The following SLC22A11 variants were observed in gnomAD, a reference collection of about 807,000 sequenced individuals.
SLC22A11 encodes organic anion transporter 4.
SLC22A11 carries 42 observed loss-of-function variants against 49.4 expected under a neutral mutation model. The observed-to-expected ratio is 0.85, with a 90% CI of 0.66 to 1.10. The LOEUF (loss-of-function observed/expected upper bound fraction) is 1.10, where lower values mean the gene tolerates loss of function less well. SLC22A11 is among the 50% of genes least tolerant of loss of function. The pLI, the probability that SLC22A11 is intolerant of heterozygous loss-of-function variation, is 0.00. For synonymous variants in SLC22A11, 304 were observed against 315.8 expected (o/e 0.96, Z 0.40); for missense variants, 685 against 731.6 (o/e 0.94, Z 0.74).
In SLC22A11 at chr11:64,569,764, G is replaced by A. The variant is rs770866086; in HGVS notation, c.1495G>A (p.Val499Ile). ...LPLLPPLLYGVISIASSLVVL... is the reference protein window; with the variant it reads ...LPLLPPLLYGIISIASSLVVL... ...CCTGCTGCCTCCTCTCCTCTATGGC[G>A]TTATCTCCATTGCTTCCAGCCTGGT... Residue 499 changes from valine (V) to isoleucine (I), a missense_variant, in exon 9 of 10, where the codon GTT (valine) becomes ATT (isoleucine). By Grantham distance (29) the Val-to-Ile change is conservative (BLOSUM62 3). Coordinates refer to ENST00000301891, the MANE Select transcript of SLC22A11 (RefSeq NM_018484.4). 73 of 1,614,006 alleles carry A rather than the reference G, an allele frequency of 4.5e-5. No homozygotes were observed. The highest frequency in any genetic ancestry group is 5.7e-5 in the Non-Finnish European group (67 of 1,180,032).
Position 64,565,359 on chromosome 11 carries a change from C to A in SLC22A11, c.1058+22C>A. On this transcript the variant is annotated intron_variant, in intron 6 of 9. Transcript: ENST00000301891. This position sits in a 1 kb window ranked among gnomAD's most constrained non-coding sequence, Gnocchi z 4.1. ...TGAAGTACGCCGTCCTGGTGTCCCTCCCCAAGGCAGGGCTGGGACAGGCAG... is the reference window on the plus strand; with the variant it reads ...TGAAGTACGCCGTCCTGGTGTCCCTACCCAAGGCAGGGCTGGGACAGGCAG... 6.5e-7 allele frequency: 1 copy of A among 1,535,236 alleles called. No homozygotes were observed. Among genetic ancestry groups the A allele is most frequent in the Non-Finnish European group, 8.8e-7 (1 of 1,137,420 alleles).
At chr11:64,560,067 G>T (rs3782100) in intron 2 of SLC22A11, among the ~76,000 whole-genome samples, 2 of 130,764 alleles carry the variant, frequency 1.5e-5, no homozygotes, top group East Asian at 4.4e-4. Flanking sequence ...TCCTTGCCAC[G>T]CCCCCTCACT....
rs954439681 is a variant in SLC22A11, at chr11:64,565,475, C to T, written c.1058+138C>T. ...GGGTGCATTTCTGTCTGGGACAGGA[C>T]GCAGACAGCCCCAGCAGGCAGGAGT... is the stretch of plus-strand genomic sequence containing the variant. On this transcript the variant is annotated intron_variant, in intron 6 of 9. Coordinates refer to ENST00000301891, the MANE Select transcript of SLC22A11 (RefSeq NM_018484.4). This position sits in a 1 kb window ranked among gnomAD's most constrained non-coding sequence, Gnocchi z 4.1. The T allele has an allele frequency of 1.9e-5, 14 of 728,900 alleles. No homozygotes were observed. The highest frequency in any genetic ancestry group is 1.0e-4 in the African/African-American group (6 of 57,566). 45.2% of individuals were successfully genotyped at this position (728,900 alleles called of 1,614,324 possible).
intron 2 of SLC22A11, among the ~76,000 whole-genome samples, chr11:64,560,723 G>A (rs971213710): frequency 3.9e-5 from 6 of 152,110 alleles, no homozygotes; most frequent in South Asian, 2.1e-4. Context: ...TGTTGTCCAC[G>A]TCCCCACAAG....
Position 64,562,253 on chromosome 11 carries a change from T to A in SLC22A11, c.653-14T>A, listed in dbSNP as rs749748179. On this transcript the variant is annotated splice_polypyrimidine_tract_variant and intron_variant, in intron 3 of 9. Transcript: ENST00000301891. The surrounding 1 kb of genome is among the most constrained non-coding windows in gnomAD (Gnocchi z 4.4). ...CCGCATGAGGCCTCACCTGCACGTGTCTGCATCCTTCAGTGGTGGAGTGGA... is the reference window on the plus strand; with the variant it reads ...CCGCATGAGGCCTCACCTGCACGTGACTGCATCCTTCAGTGGTGGAGTGGA... The A allele has an allele frequency of 3.1e-6, 5 of 1,600,982 alleles. No homozygotes were observed. Among genetic ancestry groups the A allele is most frequent in the Non-Finnish European group, 4.3e-6 (5 of 1,171,276 alleles).
At chr11:64,556,658 G>A (rs1473055824) in intron 1 of SLC22A11, among the ~76,000 whole-genome samples, 1 of 152,168 alleles carries the variant, frequency 6.6e-6, no homozygotes. Context: ...GCCTGGTCCC[G>A]GCCCTACTGA....
At chr11:64,570,297 C>A (rs1441748595) in intron 9 of SLC22A11, among the ~76,000 whole-genome samples, 1 of 152,230 alleles carries the variant, frequency 6.6e-6, no homozygotes, top group Non-Finnish European at 1.5e-5. Flanking sequence ...TTCTTTCAAA[C>A]CCTCAGAGAA....
In SLC22A11 at chr11:64,567,606, C is replaced by A; in HGVS notation, c.1066C>A (p.Leu356Ile). ...SCAMLVVNFS[L>I]LISYYGLVFD... is the part of the protein sequence containing the mutation. The stretch of plus-strand genomic sequence containing the variant: ...TTCCAGCCTTGCCCGCAGTTTCTCT[C>A]TATTGATCTCCTACTATGGGCTGGT... Residue 356 changes from leucine (L) to isoleucine (I), a missense_variant, in exon 7 of 10, where the codon CTA (leucine) becomes ATA (isoleucine). Transcript: ENST00000301891. 1 of 1,614,024 alleles carries A rather than the reference C, an allele frequency of 6.2e-7. No individual in the cohort carries two copies. The highest frequency in any genetic ancestry group is 1.1e-5 in the South Asian group (1 of 91,074).
intron 1 of SLC22A11, among the ~76,000 whole-genome samples, chr11:64,557,799 T>C (rs1231369382): frequency 2.4e-5 from 1 of 42,116 alleles, no homozygotes; most frequent in Non-Finnish European, 7.7e-5. Flanking sequence ...GCCCAGCTAA[T>C]TTTTTTTTTT....
chr11:64,567,465 G>A (rs537055097), intron 6 of SLC22A11, 134 bp from the exon 7 acceptor site: 187 of 801,032 alleles, frequency 2.3e-4, no homozygotes, highest in Middle Eastern at 1.9e-3. Flanking sequence ...TGGGATCGCT[G>A]GCCGAGACAA....
chr11:64,567,886 C>T (rs1444880599), intron 7 of SLC22A11, 73 bp downstream of exon 7: 29 of 1,446,538 alleles, frequency 2.0e-5, no homozygotes, highest in Non-Finnish European at 2.6e-5. Flanking sequence ...AGCGTGGGGC[C>T]ACATCCCCTC....
At chr11:64,560,183 C>T (rs1371510473) in intron 2 of SLC22A11, among the ~76,000 whole-genome samples, 1 of 152,004 alleles carries the variant, frequency 6.6e-6, no homozygotes, top group African/African-American at 2.4e-5. Flanking sequence ...TCACCTGGCT[C>T]TTCCTCCAGG....
Position 64,564,259 on chromosome 11 carries a change from G to C in SLC22A11, c.822-49G>C, listed in dbSNP as rs201329356. 4.4e-6 allele frequency: 7 copies of C among 1,607,978 alleles called. No homozygotes were observed. Among genetic ancestry groups the C allele is most frequent in the Non-Finnish European group, 5.1e-6 (6 of 1,176,454 alleles). On this transcript the variant is annotated intron_variant, in intron 4 of 9. Transcript: ENST00000301891. The surrounding 1 kb of genome is among the most constrained non-coding windows in gnomAD (Gnocchi z 4.2). Reference sequence around the variant, plus strand: ...CCACTGCCCCTTTCCACCCCGCCCCGGGGGAGAGCCCAGCGTGCACTCCCA... The same window carrying C: ...CCACTGCCCCTTTCCACCCCGCCCCCGGGGAGAGCCCAGCGTGCACTCCCA...
chr11:64,571,092 T>A lies in SLC22A11; in HGVS notation c.*50T>A, dbSNP rs1344661211. The A allele has an allele frequency of 6.3e-7, 1 of 1,598,338 alleles. No individual in the cohort carries two copies. The highest frequency in any genetic ancestry group is 1.7e-5 in the Admixed American group (1 of 59,956). The stretch of plus-strand genomic sequence containing the variant: ...TTAGTCAAAGACTCCTGGAAAGGAG[T>A]TGCCTCTTCTCCAATCAGAGCGTGG... On this transcript the variant is annotated 3_prime_UTR_variant, in exon 10 of 10. Coordinates refer to ENST00000301891, the MANE Select transcript of SLC22A11 (RefSeq NM_018484.4).
In SLC22A11 at chr11:64,564,153, G is replaced by T. The variant is rs1226039865; in HGVS notation, c.822-155G>T. On this transcript the variant is annotated intron_variant, in intron 4 of 9. Transcript: ENST00000301891. The surrounding 1 kb of genome is among the most constrained non-coding windows in gnomAD (Gnocchi z 4.2). ...TCAGCTTTATTCTGAAACCGCTGGG[G>T]ACTGCCAGGCTCCTGGCTGGGCAGC... Among the ~76,000 whole-genome samples the T allele has an allele frequency of 6.6e-6, 1 of 152,172 alleles. No individual in the cohort carries two copies. Among genetic ancestry groups the T allele is most frequent in the Non-Finnish European group, 1.5e-5 (1 of 68,022 alleles).
chr11:64,562,584 T>C lies in SLC22A11; in HGVS notation c.821+149T>C. The C allele has an allele frequency of 2.3e-6, 2 of 857,956 alleles. No homozygotes were observed. The highest frequency in any genetic ancestry group is 3.4e-6 in the Non-Finnish European group (2 of 585,596). 53.1% of individuals were successfully genotyped at this position (857,956 alleles called of 1,614,324 possible). A position where few individuals can be genotyped will look rare whatever the true frequency, so the allele number is the denominator to read the frequency against. On this transcript the variant is annotated intron_variant, in intron 4 of 9. Coordinates refer to ENST00000301891, the MANE Select transcript of SLC22A11 (RefSeq NM_018484.4). The surrounding 1 kb of genome is among the most constrained non-coding windows in gnomAD (Gnocchi z 4.4). ...GCGGCACCCTCGCTAGGGAGGGACA[T>C]TGGTGATTGGCAGTCCTGGGCTAAG...
chr11:64,565,672 G>A lies in SLC22A11; in HGVS notation c.1058+335G>A, dbSNP rs1255539481. ...CCAGGGGACCAGCCACGGCCGAGGAGTACCACTGTGTGTCATCGTTAGAGA... is the reference window on the plus strand; with the variant it reads ...CCAGGGGACCAGCCACGGCCGAGGAATACCACTGTGTGTCATCGTTAGAGA... On this transcript the variant is annotated intron_variant, in intron 6 of 9. Coordinates refer to ENST00000301891, the MANE Select transcript of SLC22A11 (RefSeq NM_018484.4). The surrounding 1 kb of genome is among the most constrained non-coding windows in gnomAD (Gnocchi z 4.1). The A allele has an allele frequency of 2.3e-6, 1 of 425,700 alleles. No individual in the cohort carries two copies. The highest frequency in any genetic ancestry group is 4.6e-6 in the Non-Finnish European group (1 of 216,972). The allele number at this position is 425,700 out of a possible 1,614,324, so 26.4% of individuals were successfully genotyped here.
Position 64,562,330 on chromosome 11 carries a change from G to A in SLC22A11, c.716G>A (p.Ser239Asn). Reference protein sequence around the residue: ...VTMTVVGCAFSAGQAALGGLA... With the variant: ...VTMTVVGCAFNAGQAALGGLA... ...ATGACGGTGGTGGGATGTGCCTTCAGCGCAGGCCAGGCGGCGCTGGGCGGC... is the reference window on the plus strand; with the variant it reads ...ATGACGGTGGTGGGATGTGCCTTCAACGCAGGCCAGGCGGCGCTGGGCGGC... The change falls in exon 4 of 10, where the codon AGC becomes AAC. Residue 239 changes from serine (S) to asparagine (N), a missense_variant. By Grantham distance (46) the Ser-to-Asn change is conservative. Coordinates refer to ENST00000301891, the MANE Select transcript of SLC22A11 (RefSeq NM_018484.4). This position sits in a 1 kb window ranked among gnomAD's most constrained non-coding sequence, Gnocchi z 4.4. 6.2e-7 allele frequency: 1 copy of A among 1,611,442 alleles called. No individual in the cohort carries two copies. Among genetic ancestry groups the A allele is most frequent in the Non-Finnish European group, 8.5e-7 (1 of 1,178,866 alleles).
In SLC22A11 at chr11:64,564,063, C is replaced by T. The variant is rs1013482738; in HGVS notation, c.822-245C>T. On this transcript the variant is annotated intron_variant, in intron 4 of 9. Transcript: ENST00000301891. The surrounding 1 kb of genome is among the most constrained non-coding windows in gnomAD (Gnocchi z 4.2). Reference sequence around the variant, plus strand: ...GTGCAGGGCTCAGGTGGGCAGGCCCCGGGCAGCCAGGCGAGCCAGATGGAG... The same window carrying T: ...GTGCAGGGCTCAGGTGGGCAGGCCCTGGGCAGCCAGGCGAGCCAGATGGAG... Among the ~76,000 whole-genome samples the T allele has an allele frequency of 1.1e-4, 17 of 152,306 alleles. No individual in the cohort carries two copies. The South Asian group carries it at 1.2e-3, about 11-fold the overall frequency.
Sources: allele counts gnomAD v4.1 joint callset (sites outside exome capture counted in the v4.1 genomes callset), GRCh38; gene constraint gnomAD v4.1.1; non-coding constraint Gnocchi (gnomAD v3.1); transcripts MANE v1.5; gene names NCBI Gene and HGNC (gene_info 2026-07-23, HGNC 2026-07-21).